The following UBE2K variants were observed in gnomAD, a reference collection of about 807,000 sequenced individuals.
UBE2K encodes the protein ubiquitin conjugating enzyme E2 K, also known as ubiquitin-conjugating enzyme E2 K.
A neutral mutation model predicts 30.0 loss-of-function variants in UBE2K; 6 were observed. The observed-to-expected ratio is 0.20, with a 90% CI of 0.11 to 0.39. UBE2K has a LOEUF of 0.39. Among genes scored for constraint, UBE2K ranks in the 10% least tolerant of loss-of-function variants. The pLI, the probability that UBE2K is intolerant of heterozygous loss-of-function variation, is 1.00. For synonymous variants in UBE2K, 86 were observed against 83.7 expected (o/e 1.03, Z -0.15); for missense variants, 61 against 241.6 (o/e 0.25, Z 4.96).
In UBE2K at chr4:39,743,561, G is replaced by A. The variant is rs550055210; in HGVS notation, c.158-2191G>A. ...GGAGCTTGCAGTGAGCCGAGATCCC[G>A]CCACTGCACTCCAGCCTGGGCGACA... On this transcript the variant is annotated intron_variant, in intron 2 of 6. Coordinates refer to ENST00000261427, the MANE Select transcript of UBE2K (RefSeq NM_005339.5). Among the ~76,000 whole-genome samples the A allele has an allele frequency of 2.7e-4, 41 of 150,022 alleles. No individual in the cohort carries two copies. The South Asian group carries it at 3.2e-3, about 12-fold the overall frequency.
At chr4:39,704,458 C>G (rs958999399) in intron 1 of UBE2K, among the ~76,000 whole-genome samples, 1 of 151,916 alleles carries the variant, frequency 6.6e-6, no homozygotes, top group African/African-American at 2.4e-5. Flanking sequence ...GGGGTGAATT[C>G]CTTGTATACA....
intron 4 of UBE2K, chr4:39,770,571 G>A: frequency 6.3e-7 from 1 of 1,586,522 alleles, no homozygotes; most frequent in Non-Finnish European, 8.6e-7. Flanking sequence ...CAGGCCCGAG[G>A]TGGCCCCCAC....
At chr4:39,773,938 A>C (rs1041413598) in intron 4 of UBE2K, among the ~76,000 whole-genome samples, 1 of 151,904 alleles carries the variant, frequency 6.6e-6, no homozygotes, top group African/African-American at 2.4e-5. Context: ...AACTAAACTA[A>C]ACTAACAAGA....
At chr4:39,704,162 A>G (rs1718197807) in intron 1 of UBE2K, among the ~76,000 whole-genome samples, 1 of 151,972 alleles carries the variant, frequency 6.6e-6, no homozygotes, top group African/African-American at 2.4e-5. Context: ...AGGCTGAGGC[A>G]GGAGAATCGT....
At chr4:39,766,858 TCTC>T (rs1393500632) in intron 4 of UBE2K, among the ~76,000 whole-genome samples, 1 of 152,124 alleles carries the variant, frequency 6.6e-6, no homozygotes, top group Non-Finnish European at 1.5e-5. Flanking sequence ...TTCAAGCAGT[TCTC>T]CTGCCTCAGC....
chr4:39,747,295 C>G (rs187755424), intron 3 of UBE2K, among the ~76,000 whole-genome samples: 93 of 152,286 alleles, frequency 6.1e-4, no homozygotes, highest in African/African-American at 2.1e-3. Context: ...CATTATCTGT[C>G]TGTAGAACTT....
chr4:39,769,213 G>GTTTTTTTTTTTTTTTCGTTTTTTTTTT (rs1712569511), intron 4 of UBE2K, among the ~76,000 whole-genome samples: 1 of 128,686 alleles, frequency 7.8e-6, no homozygotes, highest in Non-Finnish European at 1.7e-5. Flanking sequence ...GTTTCTTTTT[G>GTTTTTTTTTTTTTTTCGTTTTTTTTTT]TTTTTTTTTT....
intron 4 of UBE2K, among the ~76,000 whole-genome samples, chr4:39,766,767 C>T (rs988448673): frequency 4.6e-5 from 7 of 151,460 alleles, no homozygotes; most frequent in Non-Finnish European, 7.4e-5. Context: ...TTCTTTTTTT[C>T]GAGACAGAGT....
chr4:39,776,819 A>T (rs1327816581), intron 5 of UBE2K, among the ~76,000 whole-genome samples: 1 of 152,084 alleles, frequency 6.6e-6, no homozygotes, highest in Non-Finnish European at 1.5e-5. Flanking sequence ...TGTTATAAGC[A>T]TGGCTTGTGT....
At chr4:39,737,285 G>C in intron 1 of UBE2K, 135 bp from the exon 2 acceptor site, 4 of 481,830 alleles carry the variant, frequency 8.3e-6, no homozygotes, top group Non-Finnish European at 1.5e-5. Flanking sequence ...TTAAGTCCTA[G>C]AAAAGCCGAG....
chr4:39,704,932 G>A (rs796106864), intron 1 of UBE2K, among the ~76,000 whole-genome samples: 17 of 146,456 alleles, frequency 1.2e-4, no homozygotes, highest in African/African-American at 4.1e-4. Flanking sequence ...AGTGCAATGC[G>A]CCATCTCGGC....
chr4:39,719,106 C>T (rs1719278486), intron 1 of UBE2K, among the ~76,000 whole-genome samples: 1 of 152,264 alleles, frequency 6.6e-6, no homozygotes, highest in African/African-American at 2.4e-5. Context: ...TGTTAAGTCA[C>T]AGATACACAC....
intron 4 of UBE2K, chr4:39,770,668 G>A: frequency 1.3e-6 from 2 of 1,582,218 alleles, no homozygotes; most frequent in Admixed American, 3.5e-5. Flanking sequence ...ACACCCTGCG[G>A]TGGGGCCACA....
chr4:39,703,235 T>TA (rs1190653182), intron 1 of UBE2K, among the ~76,000 whole-genome samples: 5 of 152,070 alleles, frequency 3.3e-5, no homozygotes, highest in Non-Finnish European at 7.4e-5. Flanking sequence ...AAAGAGTGTT[T>TA]ATGGCCAGGT....
chr4:39,778,130 T>C (rs369663462), intron 6 of UBE2K, among the ~76,000 whole-genome samples: 1 of 95,428 alleles, frequency 1.0e-5, no homozygotes, highest in Admixed American at 1.1e-4. Flanking sequence ...AAAAGGAAAA[T>C]AAGAGAAAAT....
rs545296960 is a variant in UBE2K, at chr4:39,704,347, A to T, written c.63+5957A>T. On this transcript the variant is annotated intron_variant, in intron 1 of 6. Coordinates refer to ENST00000261427, the MANE Select transcript of UBE2K (RefSeq NM_005339.5). ...AGTTATGTAAGTTACAGTTTTATGT[A>T]ATATTTAAATAGTATTTCTTATGGT... 3.9e-5 allele frequency among the ~76,000 whole-genome samples: 6 copies of T among 152,126 alleles called. No homozygotes were observed. The South Asian group carries it at 1.2e-3, about 32-fold the overall frequency.
intron 1 of UBE2K, among the ~76,000 whole-genome samples, chr4:39,721,415 T>C (rs150821770): frequency 6.6e-6 from 1 of 152,122 alleles, no homozygotes; most frequent in Non-Finnish European, 1.5e-5. Context: ...GTGCAGTGGC[T>C]CAATCACAGC....
chr4:39,712,589 GT>G (rs1300827347), intron 1 of UBE2K, among the ~76,000 whole-genome samples: 1 of 151,742 alleles, frequency 6.6e-6, no homozygotes, highest in Non-Finnish European at 1.5e-5. Flanking sequence ...GCCTGGCTAA[GT>G]TTTGTATTTT....
chr4:39,760,131 C>T (rs138300675), intron 4 of UBE2K, among the ~76,000 whole-genome samples: 104 of 135,448 alleles, frequency 7.7e-4, no homozygotes, highest in African/African-American at 2.4e-3. Context: ...GAGCCGACAT[C>T]GCGCCACTGC....
Sources: gnomAD v4.1 joint callset for allele counts (sites outside exome capture counted in the v4.1 genomes callset) on GRCh38, gnomAD v4.1.1 for gene constraint, MANE v1.5 for transcripts, NCBI Gene and HGNC (gene_info 2026-07-23, HGNC 2026-07-21) for gene names.